The following COL23A1 variants were observed in gnomAD, a reference collection of about 807,000 sequenced individuals.
The protein encoded by COL23A1 is collagen type XXIII alpha 1 chain, also known as collagen alpha-1(XXIII) chain.
In COL23A1, 97 loss-of-function variants were observed where a neutral mutation model predicts 99.3. The observed-to-expected ratio is 0.98, with a 90% confidence interval of 0.83 to 1.16. The LOEUF is 1.16. Ranked by LOEUF, COL23A1 falls within the 50% of genes most tolerant of loss-of-function variation. The pLI, the probability that COL23A1 is intolerant of heterozygous loss-of-function variation, is 0.00. For missense variants in COL23A1, 762 were observed against 757.4 expected (o/e 1.01, Z -0.07); for synonymous variants, 320 against 308.2 (o/e 1.04, Z -0.40).
At chr5:178,266,032 A>C (rs1371964540) in intron 8 of COL23A1, among the ~76,000 whole-genome samples, 1 of 152,098 alleles carries the variant, frequency 6.6e-6, no homozygotes, top group Non-Finnish European at 1.5e-5. Context: ...TGGAGTCTTA[A>C]GCCACTACTT....
chr5:178,266,379 G>A (rs1011579419), intron 8 of COL23A1, among the ~76,000 whole-genome samples: 2 of 151,964 alleles, frequency 1.3e-5, no homozygotes, highest in Admixed American at 6.6e-5. Context: ...GTGTGTGTGT[G>A]CGCATATGTG....
intron 1 of COL23A1, among the ~76,000 whole-genome samples, chr5:178,582,042 A>G (rs1346181016): frequency 1.3e-5 from 2 of 151,870 alleles, no homozygotes. Flanking sequence ...TAAAAAAGAA[A>G]AAAGTGCGGG....
intron 2 of COL23A1, among the ~76,000 whole-genome samples, chr5:178,485,475 CA>C (rs1370131696): frequency 8.1e-6 from 1 of 123,014 alleles, no homozygotes; most frequent in Non-Finnish European, 1.7e-5. Flanking sequence ...GACCCTGTCT[CA>C]AAAAAAAGAA....
At chr5:178,316,220 A>G (rs1250461047) in intron 2 of COL23A1, among the ~76,000 whole-genome samples, 2 of 152,370 alleles carry the variant, frequency 1.3e-5, no homozygotes, top group African/African-American at 4.8e-5. Flanking sequence ...ATAGGAATCA[A>G]TTAGATAGAC....
intron 5 of COL23A1, among the ~76,000 whole-genome samples, chr5:178,278,604 C>T (rs1235950215): frequency 6.6e-6 from 1 of 152,146 alleles, no homozygotes; most frequent in Non-Finnish European, 1.5e-5. Context: ...AGCCCGTGAG[C>T]CTGCAATTCT....
At chr5:178,466,253 G>C (rs957323938) in intron 2 of COL23A1, among the ~76,000 whole-genome samples, 1 of 151,476 alleles carries the variant, frequency 6.6e-6, no homozygotes, top group Non-Finnish European at 1.5e-5. Flanking sequence ...ACCTGTGGGG[G>C]TGGTGAGGAT....
chr5:178,585,454 T>TAACACTCCACAG (rs1763899636), intron 1 of COL23A1, among the ~76,000 whole-genome samples: 5 of 43,410 alleles, frequency 1.2e-4, no homozygotes, highest in African/African-American at 1.7e-4. Context: ...ACACTCCACG[T>TAACACTCCACAG]CCCTGGTTGA....
chr5:178,424,197 G>T (rs1454790995), intron 2 of COL23A1, among the ~76,000 whole-genome samples: 3 of 152,186 alleles, frequency 2.0e-5, no homozygotes, highest in African/African-American at 7.2e-5. Context: ...CATGCATCCT[G>T]CATTCATTCA....
At chr5:178,375,498 C>G (rs1374087244) in intron 2 of COL23A1, among the ~76,000 whole-genome samples, 2 of 152,246 alleles carry the variant, frequency 1.3e-5, no homozygotes, top group African/African-American at 4.8e-5. Context: ...CTGTCTCACA[C>G]AGAGTCGATG....
At chr5:178,363,645 C>CTCTTTCTTCTGATGTCG in intron 2 of COL23A1, among the ~76,000 whole-genome samples, 15 of 152,212 alleles carry the variant, frequency 9.9e-5, no homozygotes, top group Admixed American at 1.3e-4. Flanking sequence ...CCCACAGTCC[C>CTCTTTCTTCTGATGTCG]ACAGGAGCGC....
chr5:178,341,876 T>G (rs947708849), intron 2 of COL23A1, among the ~76,000 whole-genome samples: 2 of 152,136 alleles, frequency 1.3e-5, no homozygotes, highest in African/African-American at 4.8e-5. Context: ...GGCGAGCCCC[T>G]CACTGCCTTC....
Position 178,585,667 on chromosome 5 carries a change from TCC to T in COL23A1, c.294+4235_294+4236del, listed in dbSNP as rs1763937475. On this transcript the variant is annotated intron_variant, in intron 1 of 28. Transcript: ENST00000390654. ...GCCCTGGATGGCGCTGGGGTAACACTCCACAGCCCTGGATGGCGCTGGGGTAA... is the reference window on the plus strand; with the variant it reads ...GCCCTGGATGGCGCTGGGGTAACACTACAGCCCTGGATGGCGCTGGGGTAA... 7.0e-3 allele frequency among the ~76,000 whole-genome samples: 18 copies of T among 2,560 alleles called. 1 individual carries two copies. Among genetic ancestry groups the T allele is most frequent in the East Asian group, 0.017 (2 of 116 alleles). 1.7% of individuals were successfully genotyped at this position (2,560 alleles called of 152,430 possible).
rs1446976595 is a variant in COL23A1, at chr5:178,464,628, A to AG, written c.361+96053_361+96054insC. Among the ~76,000 whole-genome samples the AG allele has an allele frequency of 2.0e-5, 3 of 152,228 alleles. No individual in the cohort carries two copies. In the East Asian group the frequency reaches 5.8e-4, roughly 29 times the overall value. On this transcript the variant is annotated intron_variant, in intron 2 of 28. Coordinates refer to ENST00000390654, the MANE Select transcript of COL23A1 (RefSeq NM_173465.4). ...CTCAGCCCTGACGTGGAAGTGCAGGAAAGCCGGCTCCGTGCTGCTAGAGCT... is the reference window on the plus strand; with the variant it reads ...CTCAGCCCTGACGTGGAAGTGCAGGAGAAGCCGGCTCCGTGCTGCTAGAGCT...
At position 178,313,235 on chromosome 5, in the gene COL23A1, G is replaced by A. The variant is rs548011271; in HGVS notation, c.362-6316C>T. The stretch of plus-strand genomic sequence containing the variant: ...GGAAGTCGGTGGGCCCAGAGACTCC[G>A]TTTTGCAACATGAAGAGTTCTGGAG... On this transcript the variant is annotated intron_variant, in intron 2 of 28. Coordinates refer to ENST00000390654, the MANE Select transcript of COL23A1 (RefSeq NM_173465.4). The surrounding 1 kb of genome is among the most constrained non-coding windows in gnomAD (Gnocchi z 4.2). 2.3e-3 allele frequency among the ~76,000 whole-genome samples: 357 copies of A among 152,268 alleles called. 5 individuals carry two copies. Among genetic ancestry groups the A allele is most frequent in the African/African-American group, 7.9e-3 (329 of 41,550 alleles).
At chr5:178,273,725 C>T (rs1378431213) in intron 5 of COL23A1, among the ~76,000 whole-genome samples, 1 of 152,230 alleles carries the variant, frequency 6.6e-6, no homozygotes, top group Non-Finnish European at 1.5e-5. Context: ...GGCAAGAAAG[C>T]TGTCCCCAGG....
chr5:178,261,963 C>T (rs1265722610), intron 10 of COL23A1, among the ~76,000 whole-genome samples: 5 of 152,232 alleles, frequency 3.3e-5, no homozygotes, highest in South Asian at 2.1e-4. Context: ...GCAAGTGGAC[C>T]GCAGCCTCCG....
chr5:178,529,594 A>G (rs1478713242), intron 2 of COL23A1, among the ~76,000 whole-genome samples: 2 of 152,210 alleles, frequency 1.3e-5, no homozygotes, highest in Non-Finnish European at 2.9e-5. Flanking sequence ...CATGCCACTC[A>G]GAGTTAAGTT....
At position 178,454,186 on chromosome 5, in the gene COL23A1, C is replaced by G. The variant is rs140675993; in HGVS notation, c.361+106496G>C. On this transcript the variant is annotated intron_variant, in intron 2 of 28. Transcript: ENST00000390654. ...GCTGTTTTCTAAAATACCCTGCCCA[C>G]CCACCCTCAATCTTACCTCAAGGAC... Among the ~76,000 whole-genome samples, 1,420 of 151,254 alleles carry G rather than the reference C, an allele frequency of 9.4e-3. 15 individuals carry two copies. The highest frequency in any genetic ancestry group is 0.013 in the Non-Finnish European group (880 of 67,880).
At chr5:178,408,469 A>C (rs143646905) in intron 2 of COL23A1, among the ~76,000 whole-genome samples, 72 of 152,312 alleles carry the variant, frequency 4.7e-4, no homozygotes, top group African/African-American at 1.6e-3. Context: ...TTGAAGCAAA[A>C]ATTAGAACAC....
Sources: gnomAD v4.1 joint callset for allele counts (sites outside exome capture counted in the v4.1 genomes callset) on GRCh38, gnomAD v4.1.1 for gene constraint, Gnocchi (gnomAD v3.1) non-coding constraint, MANE v1.5 for transcripts, NCBI Gene and HGNC (gene_info 2026-07-23, HGNC 2026-07-21) for gene names.